DNAJC3: variants seen among roughly 807,000 people sequenced by gnomAD.
DNAJC3 encodes dnaJ homolog subfamily C member 3.
A neutral mutation model predicts 68.6 loss-of-function variants in DNAJC3; 38 were observed. The observed-to-expected ratio is 0.55, with a 90% CI of 0.43 to 0.73. The LOEUF is 0.73. Among genes scored for constraint, DNAJC3 ranks in the 30% least tolerant of loss-of-function variants. The pLI, the probability that DNAJC3 is intolerant of heterozygous loss-of-function variation, is 0.00. For missense variants in DNAJC3, 526 were observed against 591.9 expected, an observed-to-expected ratio of 0.89 and a Z score of 1.16; for synonymous variants, 203 against 204.0, an observed-to-expected ratio of 1.00 and a Z score of 0.04.
chr13:95,773,327 C>T (rs1883207716), intron 9 of DNAJC3, among the ~76,000 whole-genome samples: 1 of 151,664 alleles, frequency 6.6e-6, no homozygotes, highest in Non-Finnish European at 1.5e-5. Context: ...CATGCCACCA[C>T]ACCTGGCTAG....
chr13:95,677,176 G>GGGCGCAGCTGCTGCCGGAGCGCC lies in DNAJC3; in HGVS notation c.-74_-52dup. On this transcript the variant is annotated 5_prime_UTR_variant, in exon 1 of 12. Coordinates refer to ENST00000602402, the MANE Select transcript of DNAJC3 (RefSeq NM_006260.5). ...GCCTGAGCGAGAGCCGACGGCGGGCGGGCGCAGCTGCTGCCGGAGCGCCGG... is the reference window on the plus strand; with the variant it reads ...GCCTGAGCGAGAGCCGACGGCGGGCGGGCGCAGCTGCTGCCGGAGCGCCGGCGCAGCTGCTGCCGGAGCGCCGG... 7.4e-7 allele frequency: 1 copy of GGGCGCAGCTGCTGCCGGAGCGCC among 1,354,456 alleles called. No homozygotes were observed. The highest frequency in any genetic ancestry group is 1.0e-6 in the Non-Finnish European group (1 of 990,558). 83.9% of individuals were successfully genotyped at this position (1,354,456 alleles called of 1,614,324 possible).
chr13:95,761,230 C>T (rs1882810749), intron 7 of DNAJC3, among the ~76,000 whole-genome samples: 1 of 151,338 alleles, frequency 6.6e-6, no homozygotes, highest in East Asian at 1.9e-4. Context: ...TTACTCCAAA[C>T]CAGGATGGTA....
At chr13:95,788,805 C>A (rs930201178) in intron 11 of DNAJC3, among the ~76,000 whole-genome samples, 1 of 152,164 alleles carries the variant, frequency 6.6e-6, no homozygotes, top group Admixed American at 6.6e-5. Flanking sequence ...AGTGCTAACA[C>A]CCTAGATTAA....
At chr13:95,787,565 G>A (rs1883639360) in intron 11 of DNAJC3, among the ~76,000 whole-genome samples, 1 of 152,194 alleles carries the variant, frequency 6.6e-6, no homozygotes. Context: ...TACATGGAGT[G>A]GGAGAAGAAC....
At chr13:95,707,952 C>G (rs1189077524) in intron 1 of DNAJC3, among the ~76,000 whole-genome samples, 1 of 152,146 alleles carries the variant, frequency 6.6e-6, no homozygotes, top group Non-Finnish European at 1.5e-5. Context: ...GGCTGGTTAG[C>G]CTGTCTACGA....
rs1437981663 is a variant in DNAJC3, at chr13:95,704,851, G to GTTTTTTTGTTTTT, written c.83-4369_83-4368insGTTTTTTTTTTTT. On this transcript the variant is annotated intron_variant, in intron 1 of 11. Transcript: ENST00000602402. Reference sequence around the variant, plus strand: ...AGAAAGGACTAATCTGTGTGTGTGTGTTTTTTTTTTTTTTTTTTGAGACAG... The same window carrying GTTTTTTTGTTTTT: ...AGAAAGGACTAATCTGTGTGTGTGTGTTTTTTTGTTTTTTTTTTTTTTTTTTTTTTTGAGACAG... 1.8e-3 allele frequency among the ~76,000 whole-genome samples: 179 copies of GTTTTTTTGTTTTT among 97,840 alleles called. 18 individuals carry two copies. The highest frequency in any genetic ancestry group is 0.01 in the African/African-American group (173 of 16,740). The allele number at this position is 97,840 out of a possible 152,430, so 64.2% of individuals were successfully genotyped here.
chr13:95,693,195 A>T (rs1880328279), intron 1 of DNAJC3: 2 of 152,220 alleles, frequency 1.3e-5, no homozygotes, highest in Admixed American at 1.3e-4. Context: ...GATGAACAAG[A>T]TATTCTAAAA....
intron 3 of DNAJC3, 26 bp from the exon 4 acceptor site, chr13:95,725,152 T>G: frequency 6.7e-7 from 1 of 1,499,482 alleles, no homozygotes; most frequent in South Asian, 1.3e-5. Context: ...ATATTCAAGA[T>G]AATCCTCTGC....
At position 95,734,454 on chromosome 13, in the gene DNAJC3, C is replaced by T. The variant is rs546313042; in HGVS notation, c.393+9202C>T. 2.0e-4 allele frequency among the ~76,000 whole-genome samples: 31 copies of T among 152,240 alleles called. No individual in the cohort carries two copies. The South Asian group carries it at 6.4e-3, about 32-fold the overall frequency. On this transcript the variant is annotated intron_variant, in intron 4 of 11. Coordinates refer to ENST00000602402, the MANE Select transcript of DNAJC3 (RefSeq NM_006260.5). ...TATCTTCTGTTTTCAGAACTTTCTC[C>T]TAGTTTTTGACTTTTGACAGTTTGA...
Position 95,790,778 on chromosome 13 carries a change from C to G in DNAJC3, c.1358-95C>G, listed in dbSNP as rs1428864232. The G allele has an allele frequency of 2.2e-6, 3 of 1,387,536 alleles. No homozygotes were observed. In the East Asian group the frequency reaches 7.3e-5, roughly 34 times the overall value. The allele number at this position is 1,387,536 out of a possible 1,614,324, so 86.0% of individuals were successfully genotyped here. ...GATAACCGAAAAGTAAGTAGCTCCT[C>G]AAGCCCACCCACCCTCCTCTGCCCA... On this transcript the variant is annotated intron_variant, in intron 11 of 11. Transcript: ENST00000602402.
intron 11 of DNAJC3, among the ~76,000 whole-genome samples, chr13:95,788,294 C>T (rs1315401338): frequency 2.0e-5 from 3 of 152,190 alleles, no homozygotes; most frequent in African/African-American, 7.2e-5. Flanking sequence ...TTGTGCAGTG[C>T]ACAGGTGTGA....
intron 11 of DNAJC3, among the ~76,000 whole-genome samples, chr13:95,788,382 A>AC (rs1245063356): frequency 1.3e-5 from 2 of 152,218 alleles, no homozygotes; most frequent in Non-Finnish European, 2.9e-5. Context: ...CAGGGAGCCA[A>AC]CCAAGGGGAT....
At chr13:95,718,624 C>G (rs146875022) in intron 2 of DNAJC3, among the ~76,000 whole-genome samples, 5 of 152,314 alleles carry the variant, frequency 3.3e-5, no homozygotes, top group African/African-American at 9.6e-5. Flanking sequence ...TGGTCTCGAA[C>G]TCCTGGCCTC....
intron 4 of DNAJC3, among the ~76,000 whole-genome samples, chr13:95,754,443 G>GT (rs1220065893): frequency 1.3e-5 from 2 of 152,152 alleles, no homozygotes; most frequent in South Asian, 2.1e-4. Flanking sequence ...GTCATACTCT[G>GT]TTTTTTAACA....
chr13:95,755,756 CAAAAAAAA>C (rs56659621), intron 4 of DNAJC3, among the ~76,000 whole-genome samples: 10 of 15,096 alleles, frequency 6.6e-4, no homozygotes, highest in Non-Finnish European at 1.3e-3. Flanking sequence ...GACGCCGTCT[CAAAAAAAA>C]AAAAAAAAAA....
intron 1 of DNAJC3, among the ~76,000 whole-genome samples, chr13:95,700,541 G>A (rs1359344757): frequency 6.6e-6 from 1 of 152,130 alleles, no homozygotes; most frequent in Non-Finnish European, 1.5e-5. Flanking sequence ...AGACACTATG[G>A]AGAAACTACA....
In DNAJC3 at chr13:95,711,830, C is replaced by T. The variant is rs371917053; in HGVS notation, c.193+2493C>T. Reference sequence around the variant, plus strand: ...ACAAAAATAACAGTAAAGATGTTAACGACCCAATTGAAATACACATAACAC... The same window carrying T: ...ACAAAAATAACAGTAAAGATGTTAATGACCCAATTGAAATACACATAACAC... On this transcript the variant is annotated intron_variant, in intron 2 of 11. Coordinates refer to ENST00000602402, the MANE Select transcript of DNAJC3 (RefSeq NM_006260.5). Among the ~76,000 whole-genome samples the T allele has an allele frequency of 1.3e-4, 20 of 152,062 alleles. No homozygotes were observed. The East Asian group carries it at 1.3e-3, about 10-fold the overall frequency.
intron 4 of DNAJC3, among the ~76,000 whole-genome samples, chr13:95,733,728 A>G (rs1451478631): frequency 4.4e-5 from 4 of 90,572 alleles, no homozygotes; most frequent in Non-Finnish European, 7.4e-5. Context: ...TTTTTTTTTT[A>G]ACAGTTCTGT....
intron 4 of DNAJC3, among the ~76,000 whole-genome samples, chr13:95,749,502 T>C (rs1023947917): frequency 6.6e-6 from 1 of 152,192 alleles, no homozygotes; most frequent in Non-Finnish European, 1.5e-5. Flanking sequence ...AAGAGGGAAC[T>C]ACTGACTTTT....
Sources: allele counts gnomAD v4.1 joint callset (sites outside exome capture counted in the v4.1 genomes callset), GRCh38; gene constraint gnomAD v4.1.1; transcripts MANE v1.5; gene names NCBI Gene and HGNC (gene_info 2026-07-23, HGNC 2026-07-21).